Variants in BAZ2B observed in about 807,000 individuals in gnomAD.
The protein encoded by BAZ2B is bromodomain adjacent to zinc finger domain protein 2B.
A neutral mutation model predicts 246.0 loss-of-function variants in BAZ2B; 91 were observed. The observed-to-expected ratio is 0.37, with a 90% confidence interval of 0.31 to 0.44. The LOEUF is 0.44. BAZ2B is among the 20% of genes least tolerant of loss of function. BAZ2B has a pLI of 1.00. For missense variants in BAZ2B, 2,332 were observed against 2,533.7 expected (o/e 0.92, Z 1.71); for synonymous variants, 855 against 860.0 (o/e 0.99, Z 0.10).
intron 2 of BAZ2B, among the ~76,000 whole-genome samples, chr2:159,508,611 TA>T (rs10716586): frequency 0.55 from 83,391 of 150,412 alleles, 24,077 homozygotes; most frequent in Non-Finnish European, 0.66. Flanking sequence ...TTGCCAAAAA[TA>T]AAAAAAAAAA....
chr2:159,360,909 T>C (rs1442827368), intron 27 of BAZ2B, among the ~76,000 whole-genome samples: 1 of 152,188 alleles, frequency 6.6e-6, no homozygotes. Context: ...TGCAGAAAAC[T>C]GAAACTGGAC....
rs1480490627 is a variant in BAZ2B, at chr2:159,447,444, C to G, written c.503-469G>C. On this transcript the variant is annotated intron_variant, in intron 5 of 36. Coordinates refer to ENST00000392783, the MANE Select transcript of BAZ2B (RefSeq NM_013450.4). ...ACACATTAGAGAACTTTGTAAAACA[C>G]TTCAGTGAAAAGAAAGATAGTAAAT... 2.0e-5 allele frequency among the ~76,000 whole-genome samples: 3 copies of G among 152,064 alleles called. No individual in the cohort carries two copies. The East Asian group carries it at 5.8e-4, about 29-fold the overall frequency.
At chr2:159,706,630 T>A in the BAZ2B span, among the ~76,000 whole-genome samples, 1 of 152,256 alleles carries the variant, frequency 6.6e-6, no homozygotes, top group Non-Finnish European at 1.5e-5. Context: ...TTTTATGGTT[T>A]ACTCCAGAGG....
At chr2:159,665,868 A>G in the BAZ2B span, among the ~76,000 whole-genome samples, 1 of 152,136 alleles carries the variant, frequency 6.6e-6, no homozygotes, top group South Asian at 2.1e-4. Flanking sequence ...TGCACATCCT[A>G]AACAGCATCC....
chr2:159,675,401 T>G, the BAZ2B span, among the ~76,000 whole-genome samples: 1 of 152,094 alleles, frequency 6.6e-6, no homozygotes, highest in South Asian at 2.1e-4. Flanking sequence ...TATACATCAG[T>G]GAAGCTATTC....
At chr2:159,597,844 A>C (rs1408614760) in intron 1 of BAZ2B, among the ~76,000 whole-genome samples, 2 of 152,176 alleles carry the variant, frequency 1.3e-5, no homozygotes, top group African/African-American at 2.4e-5. Flanking sequence ...ACTCTATCTC[A>C]ATCAAACCCC....
intron 2 of BAZ2B, among the ~76,000 whole-genome samples, chr2:159,542,434 A>T (rs1429396993): frequency 6.6e-6 from 1 of 152,194 alleles, no homozygotes; most frequent in Non-Finnish European, 1.5e-5. Context: ...GAAGGCAGCA[A>T]GAGAAAGGCA....
intron 3 of BAZ2B, among the ~76,000 whole-genome samples, chr2:159,466,459 C>A (rs1180971471): frequency 6.6e-6 from 1 of 152,046 alleles, no homozygotes; most frequent in Non-Finnish European, 1.5e-5. Context: ...AGATAAAGTC[C>A]TTGCCCTTTA....
chr2:159,316,492 C>T (rs758302432), downstream of BAZ2B, among the ~76,000 whole-genome samples: 5 of 151,642 alleles, frequency 3.3e-5, no homozygotes, highest in Non-Finnish European at 7.4e-5. Context: ...GAGATCGAGA[C>T]CATCCTGGCT....
chr2:159,511,048 G>T (rs147467942), intron 2 of BAZ2B, among the ~76,000 whole-genome samples: 2 of 152,008 alleles, frequency 1.3e-5, no homozygotes, highest in East Asian at 3.9e-4. Context: ...TAGTAATAGC[G>T]CAGATTGTCA....
chr2:159,611,759 G>C (rs1694762515), intron 1 of BAZ2B, among the ~76,000 whole-genome samples: 1 of 151,768 alleles, frequency 6.6e-6, no homozygotes, highest in Non-Finnish European at 1.5e-5. Context: ...TAAATATTGG[G>C]ACTAGAAAAA....
intron 16 of BAZ2B, among the ~76,000 whole-genome samples, chr2:159,402,767 T>C (rs2065285650): frequency 6.6e-6 from 1 of 152,220 alleles, no homozygotes; most frequent in Non-Finnish European, 1.5e-5. Context: ...GACTTTTATA[T>C]ATATCCATAC....
chr2:159,605,414 A>C (rs1693244730), intron 1 of BAZ2B, among the ~76,000 whole-genome samples: 1 of 152,212 alleles, frequency 6.6e-6, no homozygotes, highest in Non-Finnish European at 1.5e-5. Context: ...GAGATTATAA[A>C]TATAGAAATA....
intron 26 of BAZ2B, among the ~76,000 whole-genome samples, chr2:159,374,234 T>C (rs1297959586): frequency 6.6e-6 from 1 of 152,036 alleles, no homozygotes; most frequent in Non-Finnish European, 1.5e-5. Context: ...TGTATGTAAA[T>C]ACATCCACAG....
At chr2:159,462,935 G>T in intron 3 of BAZ2B, 2 of 1,363,910 alleles carry the variant, frequency 1.5e-6, no homozygotes, top group Non-Finnish European at 2.1e-6. Context: ...TTGGCTGGGG[G>T]TCACTTGCTT....
the BAZ2B span, among the ~76,000 whole-genome samples, chr2:159,647,767 T>A: frequency 6.6e-6 from 1 of 152,210 alleles, no homozygotes; most frequent in South Asian, 2.1e-4. Context: ...AAAAGTAATG[T>A]GATGGGTCAC....
At chr2:159,470,591 T>C (rs1333009566) in intron 3 of BAZ2B, among the ~76,000 whole-genome samples, 4 of 152,188 alleles carry the variant, frequency 2.6e-5, no homozygotes, top group Non-Finnish European at 2.9e-5. Context: ...TGCAATGATA[T>C]AGACGAGAGA....
intron 3 of BAZ2B, chr2:159,459,994 T>C (rs184760950): frequency 6.6e-6 from 1 of 152,194 alleles, no homozygotes; most frequent in African/African-American, 2.4e-5. Context: ...TTAATGTAAA[T>C]ATTATTTTAG....
At chr2:159,416,531 G>A (rs2067745558) in intron 13 of BAZ2B, among the ~76,000 whole-genome samples, 5 of 152,172 alleles carry the variant, frequency 3.3e-5, no homozygotes, top group Admixed American at 3.3e-4. Context: ...CTAAAAGTCT[G>A]TAAACAAATC....
Sources: allele counts gnomAD v4.1 joint callset (sites outside exome capture counted in the v4.1 genomes callset), GRCh38; gene constraint gnomAD v4.1.1; transcripts MANE v1.5; gene names NCBI Gene and HGNC (gene_info 2026-07-23, HGNC 2026-07-21).